Variants in LAMA2 observed in about 807,000 individuals in gnomAD.
LAMA2 encodes the protein laminin subunit alpha 2, also known as laminin subunit alpha-2.
Under a neutral mutation model 364.8 loss-of-function variants are expected in LAMA2, and 269 were observed. The ratio of observed to expected loss-of-function variants is 0.74; its 90% CI spans 0.67 to 0.82. LAMA2 has a LOEUF of 0.82. Ranked by LOEUF, LAMA2 falls within the 40% of genes least tolerant of loss-of-function variation. The probability of loss-of-function intolerance (pLI) is 0.00; values close to 1 mark genes in which losing one functional copy is unlikely to be tolerated. For missense variants in LAMA2, 3,807 were observed against 3,873.2 expected (o/e 0.98, Z 0.45); for synonymous variants, 1,379 against 1,370.6 (o/e 1.01, Z -0.14).
chr6:129,475,468 A>C, intron 53 of LAMA2, 67 bp downstream of exon 53: 1 of 1,217,056 alleles, frequency 8.2e-7, no homozygotes, highest in Admixed American at 1.8e-5. Context: ...TTCTTAGATA[A>C]AGCAGCCGTG....
chr6:129,443,480 T>C (rs925716133), intron 44 of LAMA2, among the ~76,000 whole-genome samples: 1 of 152,132 alleles, frequency 6.6e-6, no homozygotes, highest in Non-Finnish European at 1.5e-5. Context: ...AAACTGAATT[T>C]CTCTATAGAA....
chr6:129,253,790 G>T (rs561177709), intron 14 of LAMA2, among the ~76,000 whole-genome samples: 1 of 152,130 alleles, frequency 6.6e-6, no homozygotes, highest in Non-Finnish European at 1.5e-5. Flanking sequence ...GTGTCTACCC[G>T]TCTTAAAATC....
rs1778731725 is a variant in LAMA2 at position 129,150,578 on chromosome 6, A to G, written c.1027+1482A>G. On this transcript the variant is annotated intron_variant, in intron 7 of 64. Transcript: ENST00000421865. Reference sequence around the variant, plus strand: ...AAAACAATCGAGCAACTTGTTAGCAATAGAGGTAGACTAAGCAAGGCAAGA... The same window carrying G: ...AAAACAATCGAGCAACTTGTTAGCAGTAGAGGTAGACTAAGCAAGGCAAGA... Among the ~76,000 whole-genome samples, 3 of 152,340 alleles carry G rather than the reference A, an allele frequency of 2.0e-5. No homozygotes were observed. The South Asian group carries it at 6.2e-4, about 32-fold the overall frequency.
intron 61 of LAMA2, among the ~76,000 whole-genome samples, chr6:129,505,670 G>C (rs561885287): frequency 6.6e-6 from 1 of 152,082 alleles, no homozygotes; most frequent in East Asian, 1.9e-4. Context: ...CACCACGCCT[G>C]GCTAATTTTT....
chr6:129,085,140 G>A lies in LAMA2; in HGVS notation c.397-13033G>A, dbSNP rs377425754. Among the ~76,000 whole-genome samples the A allele has an allele frequency of 3.3e-4, 50 of 152,272 alleles. No individual in the cohort carries two copies. In the East Asian group the frequency reaches 7.7e-3, roughly 24 times the overall value. ...TGAAATACTACTTCTGTTTCCTAAA[G>A]ATATGTTGTTTTCTAAGATTTGCTT... On this transcript the variant is annotated intron_variant, in intron 3 of 64. Transcript: ENST00000421865.
chr6:129,227,434 G>A (rs1456138167), intron 12 of LAMA2, among the ~76,000 whole-genome samples: 2 of 152,292 alleles, frequency 1.3e-5, no homozygotes, highest in African/African-American at 4.8e-5. Flanking sequence ...CAGCTTCTCT[G>A]CTCTGTTTTT....
chr6:129,409,529 G>A (rs1780418943), intron 40 of LAMA2, among the ~76,000 whole-genome samples: 1 of 152,216 alleles, frequency 6.6e-6, no homozygotes, highest in Non-Finnish European at 1.5e-5. Flanking sequence ...GTTCATGAAA[G>A]GCAGTTTAGG....
chr6:128,979,497 G>T (rs1489067275), intron 1 of LAMA2, among the ~76,000 whole-genome samples: 1 of 152,220 alleles, frequency 6.6e-6, no homozygotes, highest in Non-Finnish European at 1.5e-5. Flanking sequence ...GGAAGAGCAT[G>T]AAAGACAAAA....
chr6:129,397,831 G>A (rs1779740074), intron 37 of LAMA2, among the ~76,000 whole-genome samples: 1 of 151,680 alleles, frequency 6.6e-6, no homozygotes. Flanking sequence ...TCCCTACTCG[G>A]GAGGCTGAGG....
chr6:129,065,439 A>G (rs997609351), intron 3 of LAMA2, among the ~76,000 whole-genome samples: 3 of 152,216 alleles, frequency 2.0e-5, no homozygotes, highest in Non-Finnish European at 4.4e-5. Context: ...TAAAATTGTC[A>G]TCAAAATTGA....
intron 27 of LAMA2, among the ~76,000 whole-genome samples, chr6:129,320,201 A>G (rs571071675): frequency 1.3e-5 from 2 of 152,166 alleles, no homozygotes; most frequent in South Asian, 4.1e-4. Flanking sequence ...CAAATATATT[A>G]AGTGGAAGTG....
At chr6:129,217,173 G>A (rs1783479269) in intron 12 of LAMA2, among the ~76,000 whole-genome samples, 1 of 144,690 alleles carries the variant, frequency 6.9e-6, no homozygotes, top group South Asian at 2.3e-4. Flanking sequence ...TGGTGACAGA[G>A]CGAGACTCCA....
intron 2 of LAMA2, among the ~76,000 whole-genome samples, chr6:129,053,171 C>T (rs1181790854): frequency 6.6e-6 from 1 of 152,262 alleles, no homozygotes; most frequent in African/African-American, 2.4e-5. Flanking sequence ...CTCCGCCTCC[C>T]GGGTTCAAGA....
intron 12 of LAMA2, among the ~76,000 whole-genome samples, chr6:129,208,156 G>A (rs150864217): frequency 1.5e-4 from 23 of 152,264 alleles, no homozygotes; most frequent in African/African-American, 5.3e-4. Context: ...GCATTATTTA[G>A]CACAGGAAAG....
At chr6:129,152,706 C>A (rs1778880000) in intron 7 of LAMA2, among the ~76,000 whole-genome samples, 1 of 152,236 alleles carries the variant, frequency 6.6e-6, no homozygotes, top group South Asian at 2.1e-4. Flanking sequence ...CATTAGAGCG[C>A]CTCCCTCCAC....
intron 3 of LAMA2, among the ~76,000 whole-genome samples, chr6:129,093,293 ATT>A (rs5879924): frequency 3.8e-3 from 559 of 146,892 alleles, no homozygotes; most frequent in Non-Finnish European, 4.5e-3. Context: ...CCGGCCGAGG[ATT>A]TTTTTTTTTT....
At chr6:129,445,634 C>A (rs765753087) in intron 44 of LAMA2, 33 bp from the exon 45 acceptor site, 2 of 1,563,400 alleles carry the variant, frequency 1.3e-6, no homozygotes, top group South Asian at 1.1e-5. Flanking sequence ...TGTGTGCATG[C>A]ATATACATGC....
chr6:129,505,086 T>C, intron 60 of LAMA2, 114 bp from the exon 61 acceptor site: 2 of 895,626 alleles, frequency 2.2e-6, no homozygotes, highest in South Asian at 1.3e-5. Context: ...TACTAAGCAC[T>C]GTGTACATTG....
intron 37 of LAMA2, among the ~76,000 whole-genome samples, chr6:129,395,803 A>C (rs1447497347): frequency 6.6e-6 from 1 of 152,236 alleles, no homozygotes; most frequent in Non-Finnish European, 1.5e-5. Flanking sequence ...TCACAGAAGA[A>C]TAAAGAGAAG....
Sources: gnomAD v4.1 joint callset for allele counts (sites outside exome capture counted in the v4.1 genomes callset) on GRCh38, gnomAD v4.1.1 for gene constraint, MANE v1.5 for transcripts, NCBI Gene and HGNC (gene_info 2026-07-23, HGNC 2026-07-21) for gene names.